VNN2: variants seen among roughly 807,000 people sequenced by gnomAD.
VNN2 encodes pantetheine hydrolase VNN2.
In VNN2, 43 loss-of-function variants were observed where a neutral mutation model predicts 43.0. That is an observed-to-expected ratio of 1.00 (90% CI 0.78 to 1.29). The LOEUF (loss-of-function observed/expected upper bound fraction) is 1.29. Ranked by LOEUF, VNN2 falls within the 50% of genes most tolerant of loss-of-function variation. VNN2 has a pLI of 0.00. For synonymous variants in VNN2, 230 were observed against 224.3 expected (o/e 1.03, Z -0.23); for missense variants, 652 against 619.7 (o/e 1.05, Z -0.55).
intron 1 of VNN2, among the ~76,000 whole-genome samples, chr6:132,762,969 A>T (rs1362949778): frequency 6.6e-6 from 1 of 152,182 alleles, no homozygotes; most frequent in African/African-American, 2.4e-5. Flanking sequence ...AATATTAACA[A>T]TATTAATCTC....
chr6:132,748,936 A>T (rs892537565), intron 6 of VNN2, among the ~76,000 whole-genome samples: 1 of 152,228 alleles, frequency 6.6e-6, no homozygotes, highest in African/African-American at 2.4e-5. Context: ...GTTTAAAAAA[A>T]AATGTGAAAT....
At position 132,757,438 on chromosome 6, in the gene VNN2, T is replaced by C; in HGVS notation, c.322A>G (p.Ile108Val). ...TACCTGTGGGGGTCTTGACACGGAA[T>C]CCAGTTCACCTGAGGGTCTGGGATA... is the stretch of plus-strand genomic sequence containing the variant. Reference protein sequence around the residue: ...EDIPDPQVNWIPCQDPHRFGH... With the variant: ...EDIPDPQVNWVPCQDPHRFGH... The change falls in exon 2 of 7, where the codon ATT becomes GTT. Residue 108 changes from isoleucine (I) to valine (V), a missense_variant. Coordinates refer to ENST00000326499, the MANE Select transcript of VNN2 (RefSeq NM_004665.6). The C allele has an allele frequency of 1.2e-6, 2 of 1,610,080 alleles. No individual in the cohort carries two copies. The highest frequency in any genetic ancestry group is 8.5e-7 in the Non-Finnish European group (1 of 1,178,884).
chr6:132,751,416 G>C lies in VNN2; in HGVS notation c.929C>G (p.Ser310Cys). Residue 310 changes from serine to cysteine, a missense_variant, in exon 5 of 7, where the codon TCC becomes TGC. Physicochemically the swap from Ser to Cys is moderately radical, Grantham distance 112. Coordinates refer to ENST00000326499, the MANE Select transcript of VNN2 (RefSeq NM_004665.6). ...AACAGCTGTTGGGTAGGCAAGCGAG[G>C]ATAGGGGATGTGAATCCACCTCTGA... ...LLSEVDSHPL[S>C]SLAYPTAVNW... The C allele has an allele frequency of 6.2e-7, 1 of 1,614,166 alleles. No homozygotes were observed. The highest frequency in any genetic ancestry group is 8.5e-7 in the Non-Finnish European group (1 of 1,180,008).
intron 6 of VNN2, among the ~76,000 whole-genome samples, chr6:132,745,430 G>C (rs1779660424): frequency 6.6e-6 from 1 of 152,136 alleles, no homozygotes; most frequent in African/African-American, 2.4e-5. Flanking sequence ...TGCCCAGGCT[G>C]TTCTCGAACT....
At chr6:132,751,054 G>A (rs1389132533) in intron 5 of VNN2, 91 bp downstream of exon 5, 1 of 1,501,070 alleles carries the variant, frequency 6.7e-7, no homozygotes, top group Non-Finnish European at 8.9e-7. Flanking sequence ...GTCAAGCCAA[G>A]GAAAAGCACC....
At chr6:132,761,084 T>G (rs1343044420), upstream of VNN2, among the ~76,000 whole-genome samples, 1 of 152,178 alleles carries the variant, frequency 6.6e-6, no homozygotes, top group Admixed American at 6.5e-5. Context: ...TGATATTGTT[T>G]TAAATCTTCA....
intron 6 of VNN2, among the ~76,000 whole-genome samples, chr6:132,748,003 G>C (rs541545138): frequency 6.6e-6 from 1 of 152,286 alleles, no homozygotes; most frequent in African/African-American, 2.4e-5. Context: ...TCCTCAAAGA[G>C]ATAGATTTCT....
intron 2 of VNN2, among the ~76,000 whole-genome samples, chr6:132,756,852 C>T (rs1044957382): frequency 7.9e-5 from 12 of 152,162 alleles, no homozygotes; most frequent in African/African-American, 2.9e-4. Context: ...CAGACTTGTC[C>T]ATGCAACTGC....
intron 6 of VNN2, among the ~76,000 whole-genome samples, chr6:132,744,801 T>C (rs1779623982): frequency 1.3e-5 from 2 of 152,096 alleles, no homozygotes; most frequent in Non-Finnish European, 2.9e-5. Context: ...ATACATCACA[T>C]CCTTCCCTCA....
Position 132,752,589 on chromosome 6 carries a change from A to G in VNN2, c.698T>C (p.Leu233Pro), listed in dbSNP as rs1434599304. ...LVKDFHVDTI[L>P]FPTAWMNVLP... is the part of the protein sequence containing the mutation. ...AACGTTCATCCAAGCTGTGGGAAAC[A>G]GTATGGTGTCCACATGGAAATCTTT... Residue 233 changes from leucine (L) to proline (P), a missense_variant, in exon 4 of 7, where the codon CTG (leucine) becomes CCG (proline). Leu to Pro is a moderately conservative substitution (Grantham distance 98, BLOSUM62 -3). Coordinates refer to ENST00000326499, the MANE Select transcript of VNN2 (RefSeq NM_004665.6). 6.2e-7 allele frequency: 1 copy of G among 1,614,210 alleles called. No individual in the cohort carries two copies. Among genetic ancestry groups the G allele is most frequent in the Non-Finnish European group, 8.5e-7 (1 of 1,180,040 alleles).
At chr6:132,755,652 G>A (rs542788812) in intron 3 of VNN2, among the ~76,000 whole-genome samples, 191 bp downstream of exon 3, 9 of 152,106 alleles carry the variant, frequency 5.9e-5, no homozygotes, top group African/African-American at 2.4e-5. Flanking sequence ...TGGGCTTACA[G>A]GCATAAGCCT....
rs35799086 is a variant in VNN2 at position 132,755,858 on chromosome 6, C to G, written c.522G>C (p.Val174=). 6,705 of 1,612,182 alleles carry G rather than the reference C, an allele frequency of 4.2e-3. 19 individuals carry two copies. The highest frequency in any genetic ancestry group is 4.8e-3 in the Non-Finnish European group (5,670 of 1,178,938). ...TCTCTCTTACCTTATGGTAACGTGCCACGAGTTTTCCTTCTGTATTATACA... is the reference window on the plus strand; with the variant it reads ...TCTCTCTTACCTTATGGTAACGTGCGACGAGTTTTCCTTCTGTATTATACA... ...NVVYNTEGKL[V]ARYHKYHLYS... Residue 174 remains valine, a synonymous_variant, in exon 3 of 7, where the codon GTG becomes GTC. Transcript: ENST00000326499.
At chr6:132,757,624 T>A (rs1403725771) in intron 1 of VNN2, 47 bp downstream of exon 1, 3 of 1,607,852 alleles carry the variant, frequency 1.9e-6, no homozygotes, top group Non-Finnish European at 2.6e-6. Flanking sequence ...TTCCACCAGC[T>A]CCCATGCCCC....
intron 6 of VNN2, 133 bp from the exon 7 acceptor site, chr6:132,744,624 G>A: frequency 1.2e-6 from 1 of 856,960 alleles, no homozygotes. Flanking sequence ...CAGCAAGTAG[G>A]CCAGGCAGGG....
rs749478031 is a variant in VNN2, at chr6:132,749,690, C to T, written c.1371+5G>A. 5.0e-6 allele frequency: 8 copies of T among 1,610,180 alleles called. No homozygotes were observed. The African/African-American group carries it at 9.4e-5, about 19-fold the overall frequency. On this transcript the variant is annotated splice_donor_5th_base_variant and intron_variant, in intron 6 of 6. Coordinates refer to ENST00000326499, the MANE Select transcript of VNN2 (RefSeq NM_004665.6). Reference sequence around the variant, plus strand: ...ATGAAAATACTCTTATAAAAGTCCTCTTACCTCAAATTTTCCAGGTGACAG... The same window carrying T: ...ATGAAAATACTCTTATAAAAGTCCTTTTACCTCAAATTTTCCAGGTGACAG...
rs753958394 is a variant in VNN2 at position 132,749,885 on chromosome 6, A to T, written c.1201-20T>A. 1 of 1,601,562 alleles carries T rather than the reference A, an allele frequency of 6.2e-7. No individual in the cohort carries two copies. Among genetic ancestry groups the T allele is most frequent in the South Asian group, 1.1e-5 (1 of 89,010 alleles). On this transcript the variant is annotated intron_variant, in intron 5 of 6. Coordinates refer to ENST00000326499, the MANE Select transcript of VNN2 (RefSeq NM_004665.6). ...GCAGACCTATGTGGAACAAACGCAG[A>T]TAAAACGCAATGCCTTACATTGAAG...
intron 1 of VNN2, among the ~76,000 whole-genome samples, chr6:132,763,145 T>C (rs1433924814): frequency 3.3e-5 from 5 of 151,868 alleles, no homozygotes; most frequent in Non-Finnish European, 5.9e-5. Context: ...TGGATCCAAG[T>C]CACTCGTTGA....
intron 3 of VNN2, among the ~76,000 whole-genome samples, chr6:132,754,821 T>C (rs1780353403): frequency 6.6e-6 from 1 of 152,228 alleles, no homozygotes. Context: ...CAAATTAACT[T>C]ATGCAAAGCT....
In VNN2 at chr6:132,751,230, C is replaced by A; in HGVS notation, c.1115G>T (p.Arg372Ile). Residue 372 changes from arginine to isoleucine, a missense_variant, in exon 5 of 7, where the codon AGA (arginine) becomes ATA (isoleucine). By Grantham distance (97) the Arg-to-Ile change is moderately conservative. Transcript: ENST00000326499. ...QKELCCHLSY[R>I]MLQKEENEVY... Reference sequence around the variant, plus strand: ...TTCATTCTCTTCTTTTTGTAACATTCTGTAGCTTAAATGACAGCAAAGCTC... The same window carrying A: ...TTCATTCTCTTCTTTTTGTAACATTATGTAGCTTAAATGACAGCAAAGCTC... 1.2e-6 allele frequency: 2 copies of A among 1,614,164 alleles called. No homozygotes were observed. Among genetic ancestry groups the A allele is most frequent in the South Asian group, 2.2e-5 (2 of 91,082 alleles).
Sources: allele counts gnomAD v4.1 joint callset (sites outside exome capture counted in the v4.1 genomes callset), GRCh38; gene constraint gnomAD v4.1.1; transcripts MANE v1.5; gene names NCBI Gene and HGNC (gene_info 2026-07-23, HGNC 2026-07-21).